The following ARID1A variants were observed in gnomAD, a reference collection of about 807,000 sequenced individuals.
ARID1A encodes AT-rich interactive domain-containing protein 1A.
In ARID1A, 20 loss-of-function variants were observed where a neutral mutation model predicts 212.6. The observed-to-expected ratio is 0.09, with a 90% CI of 0.07 to 0.14. The LOEUF is 0.14. ARID1A is among the 10% of genes least tolerant of loss of function. The pLI is 1.00. For synonymous variants in ARID1A, 1,376 were observed against 1,222.1 expected, an observed-to-expected ratio of 1.13 and a Z score of -2.63; for missense variants, 2,587 against 3,059.0, an observed-to-expected ratio of 0.85 and a Z score of 3.64.
chr1:26,735,310 G>T (rs1028284713), intron 4 of ARID1A, among the ~76,000 whole-genome samples: 1 of 151,350 alleles, frequency 6.6e-6, no homozygotes, highest in African/African-American at 2.4e-5. Flanking sequence ...ATTTATTTTT[G>T]GATACTGAGT....
intron 4 of ARID1A, among the ~76,000 whole-genome samples, chr1:26,738,862 G>GT (rs1440978960): frequency 6.9e-6 from 1 of 145,482 alleles, no homozygotes; most frequent in Non-Finnish European, 1.5e-5. Context: ...CCCAGCTTCT[G>GT]TAACTTTTCT....
At chr1:26,746,597 T>A (rs901593197) in intron 4 of ARID1A, among the ~76,000 whole-genome samples, 1 of 152,190 alleles carries the variant, frequency 6.6e-6, no homozygotes. Flanking sequence ...GGTGTGGAGC[T>A]ATGTTAACAT....
At position 26,731,520 on chromosome 1, in the gene ARID1A, C is replaced by T. The variant is rs780328730; in HGVS notation, c.1719C>T (p.Leu573=). ...CTCAGCAGCCAGCACCCTCGACGCT[C>T]TCCCAGCAGGCTGCGTATCCTCAGC... ...QQPQQPAPST[L]SQQAAYPQPQ... is the part of the protein sequence containing the mutation. The change falls in exon 3 of 20, where the codon CTC becomes CTT. Residue 573 remains leucine (L), a synonymous_variant. Coordinates refer to ENST00000324856, the MANE Select transcript of ARID1A (RefSeq NM_006015.6). 9.9e-6 allele frequency: 16 copies of T among 1,614,052 alleles called. No homozygotes were observed. Among genetic ancestry groups the T allele is most frequent in the Non-Finnish European group, 1.4e-5 (16 of 1,180,048 alleles).
At chr1:26,712,957 C>G (rs1454466264) in intron 1 of ARID1A, among the ~76,000 whole-genome samples, 6 of 152,206 alleles carry the variant, frequency 3.9e-5, no homozygotes, top group Non-Finnish European at 5.9e-5. Context: ...GTTTCTCTGT[C>G]CTTCCCATTA....
intron 1 of ARID1A, among the ~76,000 whole-genome samples, chr1:26,698,004 C>T (rs978556374): frequency 6.6e-6 from 1 of 152,134 alleles, no homozygotes; most frequent in Non-Finnish European, 1.5e-5. Context: ...TCAAAGAGGG[C>T]CCCTAGAGCT....
chr1:26,717,525 C>CT (rs2080514833), intron 1 of ARID1A, among the ~76,000 whole-genome samples: 1 of 152,116 alleles, frequency 6.6e-6, no homozygotes, highest in Non-Finnish European at 1.5e-5. Flanking sequence ...TAGTTGATGA[C>CT]TTTGGACTTC....
At chr1:26,738,915 A>G (rs1339423418) in intron 4 of ARID1A, among the ~76,000 whole-genome samples, 1 of 126,078 alleles carries the variant, frequency 7.9e-6, no homozygotes, top group Admixed American at 9.0e-5. Flanking sequence ...TCTGTTGCCC[A>G]GGCTGGAGGG....
intron 4 of ARID1A, among the ~76,000 whole-genome samples, chr1:26,743,925 TAACAG>T (rs1428233281): frequency 6.6e-6 from 1 of 152,204 alleles, no homozygotes; most frequent in Non-Finnish European, 1.5e-5. Context: ...TTCAAAAAGA[TAACAG>T]AAATGTCACT....
rs961846786 is a variant in ARID1A at position 26,711,399 on chromosome 1, A to T, written c.1137+13859A>T. Among the ~76,000 whole-genome samples, 3 of 152,268 alleles carry T rather than the reference A, an allele frequency of 2.0e-5. No homozygotes were observed. The East Asian group carries it at 5.8e-4, about 29-fold the overall frequency. On this transcript the variant is annotated intron_variant, in intron 1 of 19. Coordinates refer to ENST00000324856, the MANE Select transcript of ARID1A (RefSeq NM_006015.6). ...CAGCCTCCCAAAGTGTTGGGATTAC[A>T]GACGTGAGCCAGCGCCCCCGGCTCT...
Position 26,696,516 on chromosome 1 carries a change from A to G in ARID1A, c.113A>G (p.Glu38Gly). 17 of 1,224,684 alleles carry G rather than the reference A, an allele frequency of 1.4e-5. No individual in the cohort carries two copies. Among genetic ancestry groups the G allele is most frequent in the Non-Finnish European group, 1.6e-5 (16 of 985,586 alleles). The allele number at this position is 1,224,684 out of a possible 1,614,324, so 75.9% of individuals were successfully genotyped here. ...EQQQREEAGG[E>G]AAAAAAAERG... ...CAGCAGCGGGAGGAGGCGGGGGGCG[A>G]GGCGGCGGCGGCGGCAGCGGCCGAG... Residue 38 changes from glutamate (E) to glycine (G), a missense_variant, in exon 1 of 20, where the codon GAG (glutamate) becomes GGG (glycine). Physicochemically the swap from Glu to Gly is moderately conservative, Grantham distance 98 (BLOSUM62 -2). Transcript: ENST00000324856.
Position 26,696,959 on chromosome 1 carries a change from A to AGCGGCG in ARID1A, c.564_569dup (p.Gly190_Gly191dup). 6.8e-7 allele frequency: 1 copy of AGCGGCG among 1,464,208 alleles called. No homozygotes were observed. The highest frequency in any genetic ancestry group is 2.8e-5 in the Admixed American group (1 of 35,230). The allele number at this position is 1,464,208 out of a possible 1,614,324, so 90.7% of individuals were successfully genotyped here. On this transcript the variant is annotated inframe_insertion, in exon 1 of 20. Coordinates refer to ENST00000324856, the MANE Select transcript of ARID1A (RefSeq NM_006015.6). ...AAGCCCTGGCCTGGCAGCGCTGCAG[A>AGCGGCG]GCGGCGGCGGCGGGGGCCTGGAGCC...
Position 26,779,034 on chromosome 1 carries a change from G to T in ARID1A, c.5136G>T (p.Leu1712Phe). The T allele has an allele frequency of 6.7e-7, 1 of 1,503,348 alleles. No homozygotes were observed. The highest frequency in any genetic ancestry group is 8.9e-7 in the Non-Finnish European group (1 of 1,125,518). 93.1% of individuals were successfully genotyped at this position (1,503,348 alleles called of 1,614,324 possible). Residue 1712 changes from leucine (L) to phenylalanine (F), a missense_variant, in exon 20 of 20, where the codon TTG becomes TTT. Physicochemically the swap from Leu to Phe is conservative, Grantham distance 22. Around this residue, in one of 11 missense-constraint regions of ARID1A, gnomAD observed 890 missense variants for 1,098.2 expected, o/e 0.81. Coordinates refer to ENST00000324856, the MANE Select transcript of ARID1A (RefSeq NM_006015.6). Reference sequence around the variant, plus strand: ...CTTTCTCTTTTTAGCTCCCAGGGTTGCTAGAGCTCCTTGTAGAATATTTCC... The same window carrying T: ...CTTTCTCTTTTTAGCTCCCAGGGTTTCTAGAGCTCCTTGTAGAATATTTCC... Reference protein sequence around the residue: ...MTFNLSQLPGLLELLVEYFRR... With the variant: ...MTFNLSQLPGFLELLVEYFRR...
At chr1:26,767,587 T>C (rs753961859) in intron 10 of ARID1A, among the ~76,000 whole-genome samples, 1 of 152,146 alleles carries the variant, frequency 6.6e-6, no homozygotes, top group South Asian at 2.1e-4. Flanking sequence ...ACATAACATA[T>C]ATTTAGTGTT....
At chr1:26,776,908 A>G (rs1489541503) in intron 19 of ARID1A, among the ~76,000 whole-genome samples, 1 of 152,178 alleles carries the variant, frequency 6.6e-6, no homozygotes, top group African/African-American at 2.4e-5. Context: ...CTGATTCCTA[A>G]GCCTGATTTT....
intron 2 of ARID1A, 135 bp downstream of exon 2, chr1:26,729,998 A>C: frequency 1.2e-5 from 13 of 1,120,856 alleles, no homozygotes; most frequent in Non-Finnish European, 1.7e-5. Context: ...TTAATTACAG[A>C]GTGCTACTAA....
At position 26,774,265 on chromosome 1, in the gene ARID1A, A is replaced by G; in HGVS notation, c.4102-64A>G. On this transcript the variant is annotated intron_variant, in intron 17 of 19. Transcript: ENST00000324856. This position sits in a 1 kb window ranked among gnomAD's most constrained non-coding sequence, Gnocchi z 5.6. ...AGCATCTGGTTGTAGCCATCTTGGCATCTGTGGGCTTTATGTCCCTGAGTG... is the reference window on the plus strand; with the variant it reads ...AGCATCTGGTTGTAGCCATCTTGGCGTCTGTGGGCTTTATGTCCCTGAGTG... The G allele has an allele frequency of 6.6e-7, 1 of 1,507,664 alleles. No homozygotes were observed. Among genetic ancestry groups the G allele is most frequent in the Non-Finnish European group, 8.8e-7 (1 of 1,129,986 alleles). The allele number at this position is 1,507,664 out of a possible 1,614,324, so 93.4% of individuals were successfully genotyped here.
Position 26,697,454 on chromosome 1 carries a change from G to A in ARID1A, c.1051G>A (p.Gly351Arg), listed in dbSNP as rs1407293409. 5.1e-6 allele frequency: 7 copies of A among 1,371,118 alleles called. No individual in the cohort carries two copies. The highest frequency in any genetic ancestry group is 6.5e-6 in the Non-Finnish European group (7 of 1,072,772). 84.9% of individuals were successfully genotyped at this position (1,371,118 alleles called of 1,614,324 possible). A position where few individuals can be genotyped will look rare whatever the true frequency, so the allele number is the denominator to read the frequency against. The change falls in exon 1 of 20, where the codon GGA (glycine) becomes AGA (arginine). Residue 351 changes from glycine (G) to arginine (R), a missense_variant. Transcript: ENST00000324856. The stretch of plus-strand genomic sequence containing the variant: ...GGCAGCTGCGGCGGCGGCCGCCTCG[G>A]GAGGGGCCCAACAAAGGAGCCACCA... The part of the protein sequence containing the change: ...AAAAAAAAAS[G>R]GAQQRSHHAP...
chr1:26,713,503 C>T (rs552648560), intron 1 of ARID1A, among the ~76,000 whole-genome samples: 38 of 152,010 alleles, frequency 2.5e-4, no homozygotes, highest in African/African-American at 9.2e-4. Context: ...GGACTACAGG[C>T]GCCCACCACC....
intron 4 of ARID1A, among the ~76,000 whole-genome samples, chr1:26,746,619 C>T (rs567119418): frequency 1.3e-5 from 2 of 152,180 alleles, no homozygotes; most frequent in Non-Finnish European, 2.9e-5. Context: ...TCTGGCCAGG[C>T]GCAGTGGCTC....
Sources: allele counts gnomAD v4.1 joint callset (sites outside exome capture counted in the v4.1 genomes callset), GRCh38; gene constraint gnomAD v4.1.1; regional missense constraint gnomAD v4.1.1; non-coding constraint Gnocchi (gnomAD v3.1); transcripts MANE v1.5; gene names NCBI Gene and HGNC (gene_info 2026-07-23, HGNC 2026-07-21).